Variants in VRK2 observed in about 807,000 individuals in gnomAD.
VRK2 encodes the protein VRK serine/threonine kinase 2.
In VRK2, 60 loss-of-function variants were observed where a neutral mutation model predicts 57.6. The ratio of observed to expected loss-of-function variants is 1.04; its 90% confidence interval spans 0.85 to 1.29. The LOEUF (loss-of-function observed/expected upper bound fraction) is 1.29, where lower values mean the gene tolerates loss of function less well. VRK2 is among the 50% of genes most tolerant of loss of function. The probability of loss-of-function intolerance (pLI) is 0.00; values close to 1 mark genes in which losing one functional copy is unlikely to be tolerated. For synonymous variants in VRK2, 231 were observed against 199.2 expected, an observed-to-expected ratio of 1.16 and a Z score of -1.35; for missense variants, 705 against 588.1, an observed-to-expected ratio of 1.20 and a Z score of -2.06.
chr2:57,963,997 T>G (rs1671837079), intron 1 of VRK2, among the ~76,000 whole-genome samples: 2 of 152,180 alleles, frequency 1.3e-5, no homozygotes, highest in South Asian at 4.1e-4. Flanking sequence ...AGTTTTTACT[T>G]GGCTTCATTT....
rs757329042 is a variant in VRK2 at position 58,084,128 on chromosome 2, T to C, written c.176T>C (p.Val59Ala). ...TNKPEKDARHVVKVEYQENGP... is the reference protein window; with the variant it reads ...TNKPEKDARHAVKVEYQENGP... ...AAACCAGAGAAAGATGCAAGACATG[T>C]AGTAAAAGTGGTAAGTGTTGCTCAT... Residue 59 changes from valine to alanine, a missense_variant, in exon 3 of 13, where the codon GTA (valine) becomes GCA (alanine). Val to Ala is a moderately conservative substitution (Grantham distance 64). Coordinates refer to ENST00000340157, the MANE Select transcript of VRK2 (RefSeq NM_006296.7). 6.8e-6 allele frequency: 11 copies of C among 1,607,156 alleles called. No individual in the cohort carries two copies. The highest frequency in any genetic ancestry group is 8.5e-6 in the Non-Finnish European group (10 of 1,175,714).
At chr2:58,090,740 A>G (rs997721368) in intron 7 of VRK2, among the ~76,000 whole-genome samples, 1 of 152,198 alleles carries the variant, frequency 6.6e-6, no homozygotes, top group Non-Finnish European at 1.5e-5. Context: ...ACTTACATCC[A>G]CACAAAAACC....
intron 1 of VRK2, among the ~76,000 whole-genome samples, chr2:57,924,952 A>T (rs908986638): frequency 6.6e-6 from 1 of 151,992 alleles, no homozygotes; most frequent in Non-Finnish European, 1.5e-5. Context: ...CATTTTCAGC[A>T]TCGATTGAAA....
intron 12 of VRK2, among the ~76,000 whole-genome samples, chr2:58,156,451 A>T (rs1573452091): frequency 6.6e-6 from 1 of 152,192 alleles, no homozygotes; most frequent in East Asian, 1.9e-4. Context: ...TTCATGCCTT[A>T]ATCTCTCTTA....
intron 12 of VRK2, among the ~76,000 whole-genome samples, chr2:58,150,096 C>G (rs1249487967): frequency 6.9e-6 from 1 of 144,148 alleles, no homozygotes; most frequent in Admixed American, 7.2e-5. Context: ...TTTCTTTTGT[C>G]GTAATATCCT....
intron 1 of VRK2, among the ~76,000 whole-genome samples, chr2:58,011,730 C>A (rs77496913): frequency 1.3e-5 from 2 of 151,968 alleles, no homozygotes; most frequent in South Asian, 4.1e-4. Flanking sequence ...CAGGGAAAAC[C>A]AAAAACAGTT....
chr2:57,957,908 T>G (rs1341665858), intron 1 of VRK2, among the ~76,000 whole-genome samples: 1 of 152,034 alleles, frequency 6.6e-6, no homozygotes, highest in South Asian at 2.1e-4. Context: ...GCTGCCAAAT[T>G]CCCCATCCAT....
chr2:57,978,850 T>A (rs1672329192), intron 1 of VRK2, among the ~76,000 whole-genome samples: 3 of 150,794 alleles, frequency 2.0e-5, no homozygotes, highest in African/African-American at 7.5e-5. Flanking sequence ...CCCCTCTCCA[T>A]GTCCATGTGT....
intron 2 of VRK2, among the ~76,000 whole-genome samples, chr2:58,052,690 A>G (rs963139236): frequency 6.6e-6 from 1 of 152,050 alleles, no homozygotes; most frequent in African/African-American, 2.4e-5. Flanking sequence ...TTATTCTACT[A>G]TGAATTTTGG....
intron 2 of VRK2, among the ~76,000 whole-genome samples, chr2:58,082,169 A>G (rs1670979950): frequency 6.6e-6 from 1 of 151,922 alleles, no homozygotes; most frequent in South Asian, 2.1e-4. Context: ...GTGTCAACAC[A>G]TGATTATGTT....
At chr2:58,105,980 A>C (rs1674692399) in intron 7 of VRK2, among the ~76,000 whole-genome samples, 1 of 151,978 alleles carries the variant, frequency 6.6e-6, no homozygotes, top group African/African-American at 2.4e-5. Flanking sequence ...GTTTACAGAT[A>C]TACCAAGCTC....
intron 1 of VRK2, among the ~76,000 whole-genome samples, chr2:57,956,587 T>C (rs1256852076): frequency 1.3e-5 from 2 of 152,144 alleles, no homozygotes; most frequent in African/African-American, 4.8e-5. Context: ...GAACACTACA[T>C]ATATTAAGTT....
intron 1 of VRK2, among the ~76,000 whole-genome samples, chr2:57,923,637 G>A (rs1413731879): frequency 6.6e-6 from 1 of 151,642 alleles, no homozygotes; most frequent in Non-Finnish European, 1.5e-5. Flanking sequence ...TTAATCTCTT[G>A]TCAGATGCAT....
chr2:57,981,505 T>C (rs2104050693), intron 1 of VRK2, among the ~76,000 whole-genome samples: 1 of 152,320 alleles, frequency 6.6e-6, no homozygotes, highest in Non-Finnish European at 1.5e-5. Context: ...ATCTGATGAT[T>C]ATGTGTCTTA....
At chr2:58,086,930 G>A (rs569228501) in intron 5 of VRK2, among the ~76,000 whole-genome samples, 14 of 152,206 alleles carry the variant, frequency 9.2e-5, no homozygotes, top group South Asian at 6.2e-4. Flanking sequence ...GGATATTATC[G>A]CTTCTGCTTT....
chr2:58,007,238 C>G (rs1673276343), intron 1 of VRK2, among the ~76,000 whole-genome samples: 1 of 151,788 alleles, frequency 6.6e-6, no homozygotes, highest in Admixed American at 6.6e-5. Flanking sequence ...CTCTCTCTCT[C>G]TCATATATAT....
chr2:58,144,937 C>G (rs994019771), intron 11 of VRK2, among the ~76,000 whole-genome samples: 4 of 151,942 alleles, frequency 2.6e-5, no homozygotes, highest in Non-Finnish European at 5.9e-5. Context: ...GCGATAAAAG[C>G]TAAAAATTGA....
chr2:58,150,030 G>A (rs1350149336), intron 12 of VRK2, among the ~76,000 whole-genome samples: 1 of 134,856 alleles, frequency 7.4e-6, no homozygotes, highest in Non-Finnish European at 1.6e-5. Flanking sequence ...GTGAAAGCAA[G>A]TTTATTAAGA....
intron 2 of VRK2, among the ~76,000 whole-genome samples, chr2:58,078,710 T>C (rs775358944): frequency 1.3e-5 from 2 of 152,130 alleles, no homozygotes; most frequent in African/African-American, 2.4e-5. Context: ...GTAGCCATCC[T>C]AATGGATAGG....
Sources: gnomAD v4.1 joint callset for allele counts (sites outside exome capture counted in the v4.1 genomes callset) on GRCh38, gnomAD v4.1.1 for gene constraint, MANE v1.5 for transcripts, NCBI Gene and HGNC (gene_info 2026-07-23, HGNC 2026-07-21) for gene names.